The following PRKDC variants were observed in gnomAD, a reference collection of about 807,000 sequenced individuals.
PRKDC encodes the protein DNA-dependent protein kinase catalytic subunit.
Under a neutral mutation model 486.9 loss-of-function variants are expected in PRKDC, and 82 were observed. The observed-to-expected ratio is 0.17, with a 90% CI of 0.14 to 0.20. The LOEUF (loss-of-function observed/expected upper bound fraction) is 0.20. Among genes scored for constraint, PRKDC ranks in the 10% least tolerant of loss-of-function variants. The pLI is 1.00. For missense variants in PRKDC, 4,504 were observed against 5,038.2 expected (o/e 0.89, Z 3.21); for synonymous variants, 1,895 against 1,837.0 (o/e 1.03, Z -0.81).
chr8:47,798,165 G>A (rs2087019141), intron 73 of PRKDC, 72 bp downstream of exon 73: 13 of 1,495,842 alleles, frequency 8.7e-6, no homozygotes, highest in South Asian at 1.2e-5. Context: ...ACACTAACGC[G>A]TTTGAATATA....
chr8:47,929,132 T>G lies in PRKDC; in HGVS notation c.2099A>C (p.Lys700Thr). ...SLKHSPEDPEKYSCFALFVKF... is the reference protein window; with the variant it reads ...SLKHSPEDPETYSCFALFVKF... ...CACAAATAAAGCAAAGCAAGAATAC[T>G]TTTCTGGGTCTTCAGGAGAGTGTTT... is the stretch of plus-strand genomic sequence containing the variant. The change falls in exon 19 of 86, where the codon AAG (lysine) becomes ACG (threonine). Residue 700 changes from lysine to threonine, a missense_variant. Coordinates refer to ENST00000314191, the MANE Select transcript of PRKDC (RefSeq NM_006904.7). The G allele has an allele frequency of 1.9e-6, 3 of 1,578,652 alleles. No homozygotes were observed. The highest frequency in any genetic ancestry group is 2.6e-6 in the Non-Finnish European group (3 of 1,160,382).
intron 27 of PRKDC, among the ~76,000 whole-genome samples, chr8:47,901,819 G>A (rs2089689642): frequency 6.6e-6 from 1 of 152,050 alleles, no homozygotes; most frequent in Non-Finnish European, 1.5e-5. Context: ...GGTAAATGTG[G>A]TACACAATAT....
At position 47,807,606 on chromosome 8, in the gene PRKDC, G is replaced by A. The variant is rs957382730; in HGVS notation, c.9558-280C>T. On this transcript the variant is annotated intron_variant, in intron 68 of 85. Coordinates refer to ENST00000314191, the MANE Select transcript of PRKDC (RefSeq NM_006904.7). ...GCTAATTTTTTGTATTTTTAGTAGA[G>A]ACGGGGTTTCACTGTGTTAGCCAGG... Among the ~76,000 whole-genome samples the A allele has an allele frequency of 7.3e-5, 11 of 151,514 alleles. 1 individual carries two copies. Among genetic ancestry groups the A allele is most frequent in the African/African-American group, 2.2e-4 (9 of 41,198 alleles).
In PRKDC at chr8:47,794,512, G is replaced by A. The variant is rs552093957; in HGVS notation, c.10459-11C>T. 1.3e-6 allele frequency: 2 copies of A among 1,572,728 alleles called. No homozygotes were observed. Among genetic ancestry groups the A allele is most frequent in the East Asian group, 2.2e-5 (1 of 44,540 alleles). On this transcript the variant is annotated splice_polypyrimidine_tract_variant and intron_variant, in intron 73 of 85. Coordinates refer to ENST00000314191, the MANE Select transcript of PRKDC (RefSeq NM_006904.7). ...GGGAACGGAAGAGATCTAAAACAGAGAGCTGAAACTTAATGCTGAGTAAAA... is the reference window on the plus strand; with the variant it reads ...GGGAACGGAAGAGATCTAAAACAGAAAGCTGAAACTTAATGCTGAGTAAAA...
intron 57 of PRKDC, among the ~76,000 whole-genome samples, chr8:47,836,873 G>C (rs1207431202): frequency 1.3e-5 from 2 of 152,226 alleles, no homozygotes; most frequent in African/African-American, 4.8e-5. Context: ...CTTGTGAGTG[G>C]GACAGGAGGG....
At chr8:47,851,937 G>A (rs2088416136) in intron 52 of PRKDC, among the ~76,000 whole-genome samples, 6 of 151,648 alleles carry the variant, frequency 4.0e-5, no homozygotes, top group Admixed American at 3.3e-4. Flanking sequence ...GCAACATGGC[G>A]AAACCTTGTT....
At chr8:47,818,354 C>T (rs528302421) in intron 67 of PRKDC, among the ~76,000 whole-genome samples, 58 of 151,854 alleles carry the variant, frequency 3.8e-4, no homozygotes, top group Non-Finnish European at 6.6e-4. Context: ...CCGAGGCGGG[C>T]GGATCACGAG....
chr8:47,935,868 G>A lies in PRKDC; in HGVS notation c.1311C>T (p.His437=), dbSNP rs895797904. Reference sequence around the variant, plus strand: ...AACTGTCTATCTGCATCACCACGAGGTGCTCCAGAACTGGAGTATACACCT... The same window carrying A: ...AACTGTCTATCTGCATCACCACGAGATGCTCCAGAACTGGAGTATACACCT... The part of the protein sequence containing the change: ...VPEVYTPVLE[H]LVVMQIDSFP... Residue 437 remains histidine (H), a synonymous_variant, in exon 13 of 86, where the codon CAC becomes CAT. Transcript: ENST00000314191. 6 of 1,613,776 alleles carry A rather than the reference G, an allele frequency of 3.7e-6. No individual in the cohort carries two copies. The African/African-American group carries it at 5.3e-5, about 14-fold the overall frequency.
At chr8:47,867,451 A>T (rs2088843752) in intron 40 of PRKDC, among the ~76,000 whole-genome samples, 1 of 152,238 alleles carries the variant, frequency 6.6e-6, no homozygotes, top group Non-Finnish European at 1.5e-5. Context: ...ACATCAAATG[A>T]TTTTGGAACA....
At position 47,863,547 on chromosome 8, in the gene PRKDC, T is replaced by A. The variant is rs749576215; in HGVS notation, c.5602A>T (p.Thr1868Ser). 9 of 1,612,550 alleles carry A rather than the reference T, an allele frequency of 5.6e-6. No homozygotes were observed. In the African/African-American group the frequency reaches 1.2e-4, roughly 22 times the overall value. ...ATCTTATAGTAGCCCATCTTCTTGG[T>A]GATTTGAGTATCAAAGGTAGATTCA... is the stretch of plus-strand genomic sequence containing the variant. ...LNESTFDTQI[T>S]KKMGYYKILD... Residue 1868 changes from threonine (T) to serine (S), a missense_variant, in exon 42 of 86, where the codon ACC (threonine) becomes TCC (serine). Physicochemically the swap from Thr to Ser is moderately conservative, Grantham distance 58 (BLOSUM62 1). Transcript: ENST00000314191.
intron 29 of PRKDC, 142 bp from the exon 30 acceptor site, chr8:47,897,436 G>A: frequency 1.2e-6 from 1 of 822,786 alleles, no homozygotes; most frequent in Non-Finnish European, 1.8e-6. Flanking sequence ...TATTTTTAAT[G>A]TATTATAATT....
chr8:47,837,626 A>G (rs568602145), intron 56 of PRKDC, among the ~76,000 whole-genome samples: 2 of 152,072 alleles, frequency 1.3e-5, no homozygotes, highest in East Asian at 1.9e-4. Flanking sequence ...AAAATGTAGC[A>G]TATTTTTTAT....
Position 47,840,047 on chromosome 8 carries a change from T to G in PRKDC, c.7423A>C (p.Asn2475His). The G allele has an allele frequency of 6.5e-7, 1 of 1,549,266 alleles. No individual in the cohort carries two copies. Among genetic ancestry groups the G allele is most frequent in the Non-Finnish European group, 8.7e-7 (1 of 1,145,532 alleles). Residue 2475 changes from asparagine to histidine, a missense_variant, in exon 55 of 86, where the codon AAT becomes CAT. Physicochemically the swap from Asn to His is moderately conservative, Grantham distance 68. Transcript: ENST00000314191. ...PSTTCREQMYNILMWIHDNYR... is the reference protein window; with the variant it reads ...PSTTCREQMYHILMWIHDNYR... ...TTATCATGAATCCACATGAGAATATTATACATTTGTTCCCTACATGTTGTA... is the reference window on the plus strand; with the variant it reads ...TTATCATGAATCCACATGAGAATATGATACATTTGTTCCCTACATGTTGTA...
At chr8:47,957,605 G>A (rs925866998) in intron 1 of PRKDC, among the ~76,000 whole-genome samples, 174 bp from the exon 2 acceptor site, 1 of 144,876 alleles carries the variant, frequency 6.9e-6, no homozygotes, top group African/African-American at 2.4e-5. Context: ...CCGCCTCCCG[G>A]GTTCACGCCA....
At chr8:47,939,930 C>A in intron 10 of PRKDC, 1 of 243,316 alleles carries the variant, frequency 4.1e-6, no homozygotes, top group Non-Finnish European at 7.6e-6. Flanking sequence ...GACTAAGAGA[C>A]CAAGGATACA....
chr8:47,821,635 A>T lies in PRKDC; in HGVS notation c.9080T>A (p.Leu3027Gln). 6.2e-7 allele frequency: 1 copy of T among 1,601,530 alleles called. No individual in the cohort carries two copies. Among genetic ancestry groups the T allele is most frequent in the Non-Finnish European group, 8.5e-7 (1 of 1,172,906 alleles). ...AAATGGTTCACTCCAGATTTTATTT[A>T]GGTCTGGGGGGTTCTCACTGTCTAT... Reference protein sequence around the residue: ...ASIDSENPPDLNKIWSEPFYQ... With the variant: ...ASIDSENPPDQNKIWSEPFYQ... Residue 3027 changes from leucine (L) to glutamine (Q), a missense_variant, in exon 65 of 86, where the codon CTA becomes CAA. By Grantham distance (113) the Leu-to-Gln change is moderately radical. Transcript: ENST00000314191.
intron 56 of PRKDC, 148 bp downstream of exon 56, chr8:47,839,000 A>T: frequency 1.6e-6 from 1 of 641,282 alleles, no homozygotes; most frequent in East Asian, 2.8e-5. Context: ...GCTTTAAAAT[A>T]CTCTTTTACT....
rs11311765 is a variant in PRKDC at position 47,819,513 on chromosome 8, TAAAAAAAAAAAA to T, written c.9337-15_9337-4del. ...AGGACATCAATACTAGAATAATTCT[TAAAAAAAAAAAA>T]AAAAAAAAAGGGCATTTACAAATGC... On this transcript the variant is annotated splice_region_variant and splice_polypyrimidine_tract_variant and intron_variant, in intron 66 of 85. Transcript: ENST00000314191. 2 of 551,778 alleles carry T rather than the reference TAAAAAAAAAAAA, an allele frequency of 3.6e-6. No individual in the cohort carries two copies. Among genetic ancestry groups the T allele is most frequent in the Non-Finnish European group, 5.3e-6 (2 of 374,564 alleles). 34.2% of individuals were successfully genotyped at this position (551,778 alleles called of 1,614,324 possible). A position where few individuals can be genotyped will look rare whatever the true frequency, so the allele number is the denominator to read the frequency against.
chr8:47,788,443 T>A (rs1228038788), intron 76 of PRKDC, among the ~76,000 whole-genome samples: 1 of 152,224 alleles, frequency 6.6e-6, no homozygotes, highest in Non-Finnish European at 1.5e-5. Context: ...TAGGCACAGC[T>A]CTTGGTGAGC....
Sources: gnomAD v4.1 joint callset for allele counts (sites outside exome capture counted in the v4.1 genomes callset) on GRCh38, gnomAD v4.1.1 for gene constraint, MANE v1.5 for transcripts, NCBI Gene and HGNC (gene_info 2026-07-23, HGNC 2026-07-21) for gene names.